Variants in LSM6 observed in about 807,000 individuals in gnomAD.
LSM6 encodes LSM6 homolog, U6 small nuclear RNA and mRNA degradation associated, also known as U6 snRNA-associated Sm-like protein LSm6.
LSM6 carries 2 observed loss-of-function variants against 13.5 expected under a neutral mutation model. That is an observed-to-expected ratio of 0.15 (90% CI 0.06 to 0.47). The LOEUF is 0.47. Ranked by LOEUF, LSM6 falls within the 20% of genes least tolerant of loss-of-function variation. The pLI is 0.97. For synonymous variants in LSM6, 43 were observed against 34.9 expected (o/e 1.23, Z -0.82); for missense variants, 58 against 96.4 (o/e 0.60, Z 1.67).
At chr4:146,181,522 G>A (rs72727940) in intron 1 of LSM6, among the ~76,000 whole-genome samples, 2 of 152,278 alleles carry the variant, frequency 1.3e-5, no homozygotes, top group Non-Finnish European at 2.9e-5. Flanking sequence ...CTATGAGAAC[G>A]TCTCCAAATA....
At chr4:146,185,018 G>A (rs559450063) in intron 2 of LSM6, among the ~76,000 whole-genome samples, 2 of 152,104 alleles carry the variant, frequency 1.3e-5, no homozygotes, top group South Asian at 4.2e-4. Context: ...AATCTCTTGT[G>A]TGGCTGTACC....
rs530333786 is a variant in LSM6 at position 146,184,373 on chromosome 4, T to G, written c.94+1358T>G. On this transcript the variant is annotated intron_variant, in intron 2 of 3. Transcript: ENST00000296581. ...TTTTTCCTTTGAAATCTCTATTGAT[T>G]ATCCCCACCTAGTAGAGGAGGAGCT... Among the ~76,000 whole-genome samples the G allele has an allele frequency of 2.6e-5, 4 of 152,312 alleles. No individual in the cohort carries two copies. In the South Asian group the frequency reaches 8.3e-4, roughly 32 times the overall value.
At chr4:146,184,829 T>C (rs1000093972) in intron 2 of LSM6, among the ~76,000 whole-genome samples, 3 of 152,212 alleles carry the variant, frequency 2.0e-5, no homozygotes, top group Non-Finnish European at 4.4e-5. Context: ...GAAAAGTATA[T>C]AGAAGAAAGC....
chr4:146,183,749 T>C (rs538678950), intron 2 of LSM6: 16 of 141,536 alleles, frequency 1.1e-4, no homozygotes, highest in African/African-American at 2.9e-4. Context: ...TTTTTTTTAT[T>C]ATTTATTTCA....
chr4:146,189,285 G>T (rs1198041064), intron 3 of LSM6, among the ~76,000 whole-genome samples: 1 of 152,164 alleles, frequency 6.6e-6, no homozygotes, highest in Non-Finnish European at 1.5e-5. Context: ...GAGCCACCGT[G>T]TTCAGCCCTG....
At chr4:146,186,052 G>C (rs1730342222) in intron 2 of LSM6, among the ~76,000 whole-genome samples, 2 of 152,098 alleles carry the variant, frequency 1.3e-5, no homozygotes, top group Admixed American at 6.6e-5. Flanking sequence ...ATTTCATTTT[G>C]AAATTCTTTT....
intron 1 of LSM6, among the ~76,000 whole-genome samples, chr4:146,181,797 A>C (rs1011159151): frequency 1.3e-5 from 2 of 152,192 alleles, no homozygotes. Flanking sequence ...AAATATTTTT[A>C]CTCAGTTTTT....
At chr4:146,184,834 G>T (rs1730310313) in intron 2 of LSM6, among the ~76,000 whole-genome samples, 1 of 152,094 alleles carries the variant, frequency 6.6e-6, no homozygotes, top group South Asian at 2.1e-4. Context: ...GTATATAGAA[G>T]AAAGCCAAGG....
intron 1 of LSM6, among the ~76,000 whole-genome samples, chr4:146,177,113 G>C (rs1560709652): frequency 6.6e-6 from 1 of 152,010 alleles, no homozygotes; most frequent in Non-Finnish European, 1.5e-5. Context: ...GTGGTCATCT[G>C]GCATAACTCC....
intron 3 of LSM6, among the ~76,000 whole-genome samples, chr4:146,188,223 T>C (rs189283083): frequency 5.3e-4 from 81 of 152,232 alleles, no homozygotes; most frequent in African/African-American, 1.9e-3. Context: ...TCTAGTCCTT[T>C]CTATTTATAG....
chr4:146,187,384 A>G lies in LSM6; in HGVS notation c.205A>G (p.Asn69Asp). 1 of 1,582,908 alleles carries G rather than the reference A, an allele frequency of 6.3e-7. No homozygotes were observed. The highest frequency in any genetic ancestry group is 8.7e-7 in the Non-Finnish European group (1 of 1,151,586). The change falls in exon 3 of 4, where the codon AAT (asparagine) becomes GAT (aspartate). Residue 69 changes from asparagine (N) to aspartate (D), a missense_variant. This residue lies in a region of LSM6 where 23 missense variants were observed against 27.5 expected (regional missense o/e 0.84). Coordinates refer to ENST00000296581, the MANE Select transcript of LSM6 (RefSeq NM_007080.3). Reference sequence around the variant, plus strand: ...TGGGGATGCATTTATCCGAGGAAACAATGGTAACATTTCTTCGCCCTACAG... The same window carrying G: ...TGGGGATGCATTTATCCGAGGAAACGATGGTAACATTTCTTCGCCCTACAG... ...KYGDAFIRGN[N>D]VLYISTQKRR...
intron 2 of LSM6, 92 bp downstream of exon 2, chr4:146,183,107 G>T: frequency 1.2e-6 from 1 of 862,280 alleles, no homozygotes. Flanking sequence ...TACCCAATAG[G>T]CCAAAAAAGT....
chr4:146,175,880 C>G (rs985951194), intron 1 of LSM6, 69 bp downstream of exon 1: 3 of 152,440 alleles, frequency 2.0e-5, no homozygotes, highest in Non-Finnish European at 4.4e-5. Context: ...CCCCAGTGTT[C>G]AGTCGCGCTG....
At chr4:146,183,870 CTTTTTTTTTTT>C (rs1206702736) in intron 2 of LSM6, among the ~76,000 whole-genome samples, 2 of 117,494 alleles carry the variant, frequency 1.7e-5, no homozygotes, top group South Asian at 5.5e-4. Flanking sequence ...GGGTAATTTT[CTTTTTTTTTTT>C]TTTTTTTTTG....
chr4:146,176,584 T>G lies in LSM6; in HGVS notation c.-11+773T>G, dbSNP rs147485032. ...TCACCTACGATCATTTTCTCTTGTA[T>G]GTGCTAGCTTCTACTTGAACTAAGA... is the stretch of plus-strand genomic sequence containing the variant. On this transcript the variant is annotated intron_variant, in intron 1 of 3. Coordinates refer to ENST00000296581, the MANE Select transcript of LSM6 (RefSeq NM_007080.3). 3.9e-3 allele frequency: 600 copies of G among 152,300 alleles called. 8 individuals are homozygous for G. Among genetic ancestry groups the G allele is most frequent in the African/African-American group, 0.014 (565 of 41,558 alleles). 9.4% of individuals were successfully genotyped at this position (152,300 alleles called of 1,614,324 possible).
chr4:146,179,818 CCT>C (rs558662401), intron 1 of LSM6, among the ~76,000 whole-genome samples: 3 of 152,340 alleles, frequency 2.0e-5, no homozygotes, highest in Admixed American at 6.5e-5. Flanking sequence ...GCTTAAAACC[CCT>C]GTTTCCTATC....
chr4:146,184,635 CTGTT>C (rs1168767817), intron 2 of LSM6, among the ~76,000 whole-genome samples: 1 of 152,110 alleles, frequency 6.6e-6, no homozygotes, highest in Non-Finnish European at 1.5e-5. Flanking sequence ...GGGTTTTAAT[CTGTT>C]TGACAGTTGA....
At chr4:146,178,640 A>G (rs1730165075) in intron 1 of LSM6, among the ~76,000 whole-genome samples, 1 of 152,256 alleles carries the variant, frequency 6.6e-6, no homozygotes, top group Non-Finnish European at 1.5e-5. Context: ...ACAGGTAAAC[A>G]TTGCCAAGAA....
At chr4:146,176,687 G>T (rs987761411) in intron 1 of LSM6, 1 of 151,726 alleles carries the variant, frequency 6.6e-6, no homozygotes, top group Non-Finnish European at 1.5e-5. Context: ...TTCTAATTTT[G>T]TATCTTCTTT....
Sources: allele counts gnomAD v4.1 joint callset (sites outside exome capture counted in the v4.1 genomes callset), GRCh38; gene constraint gnomAD v4.1.1; regional missense constraint gnomAD v4.1.1; transcripts MANE v1.5; gene names NCBI Gene and HGNC (gene_info 2026-07-23, HGNC 2026-07-21).